Variants in SLC71A2 observed in about 807,000 individuals in gnomAD.
SLC71A2 encodes solute carrier family 71 member 2, also known as hippocampus abundant transcript-like 1.
At chr9:94,453,942 CTCCTT>C in the SLC71A2 span, 1 of 1,535,630 alleles carries the variant, frequency 6.5e-7, no homozygotes, top group Non-Finnish European at 9.0e-7. Context: ...TCAGAGTTGT[CTCCTT>C]TACTTTGCAG....
chr9:94,401,023 CAAT>C, the SLC71A2 span, among the ~76,000 whole-genome samples: 1 of 152,004 alleles, frequency 6.6e-6, no homozygotes, highest in Non-Finnish European at 1.5e-5. Flanking sequence ...ATCCTTCTAA[CAAT>C]CTTGTTGTTT....
chr9:94,458,556 G>A, the SLC71A2 span: 1 of 1,216,044 alleles, frequency 8.2e-7, no homozygotes, highest in Non-Finnish European at 1.2e-6. Context: ...ATTCTTTCTT[G>A]TATGTTACTA....
At chr9:94,404,753 T>C in the SLC71A2 span, among the ~76,000 whole-genome samples, 120 of 152,368 alleles carry the variant, frequency 7.9e-4, no homozygotes, top group African/African-American at 2.5e-3. Flanking sequence ...TTATCAGATA[T>C]GTGATTTGCA....
chr9:94,445,890 C>A, the SLC71A2 span, among the ~76,000 whole-genome samples: 3 of 152,280 alleles, frequency 2.0e-5, no homozygotes, highest in Non-Finnish European at 2.9e-5. Flanking sequence ...TAAAATACCC[C>A]CTGAGGGCAT....
At chr9:94,425,113 C>T in the SLC71A2 span, among the ~76,000 whole-genome samples, 1 of 151,686 alleles carries the variant, frequency 6.6e-6, no homozygotes, top group Non-Finnish European at 1.5e-5. Context: ...GTTTCCCTAT[C>T]TTGTTCAAGA....
the SLC71A2 span, among the ~76,000 whole-genome samples, chr9:94,381,380 T>TA: frequency 6.6e-6 from 1 of 151,294 alleles, no homozygotes; most frequent in Non-Finnish European, 1.5e-5. Context: ...ATTTTATAAA[T>TA]ACAGCATATT....
chr9:94,432,848 A>G, the SLC71A2 span: 2 of 405,004 alleles, frequency 4.9e-6, no homozygotes, highest in Non-Finnish European at 4.9e-6. Context: ...TTATAACTCC[A>G]TGGCATTCAG....
chr9:94,406,485 T>G, the SLC71A2 span, among the ~76,000 whole-genome samples: 2 of 152,196 alleles, frequency 1.3e-5, no homozygotes, highest in African/African-American at 4.8e-5. Flanking sequence ...ATGATCTGCC[T>G]GCCCCAGCTT....
At chr9:94,457,618 C>T in the SLC71A2 span, among the ~76,000 whole-genome samples, 5 of 152,088 alleles carry the variant, frequency 3.3e-5, no homozygotes, top group East Asian at 1.9e-4. Flanking sequence ...ATGACCCATC[C>T]GTGGAGGACT....
At chr9:94,385,031 T>C in the SLC71A2 span, among the ~76,000 whole-genome samples, 1 of 151,856 alleles carries the variant, frequency 6.6e-6, no homozygotes, top group African/African-American at 2.4e-5. Context: ...GTTCCCTCTC[T>C]CTTGAACTTC....
the SLC71A2 span, among the ~76,000 whole-genome samples, chr9:94,448,899 C>T: frequency 2.0e-5 from 3 of 152,178 alleles, no homozygotes; most frequent in Non-Finnish European, 4.4e-5. Flanking sequence ...TCCCAAAATG[C>T]TGGGATTATA....
chr9:94,378,710 C>G, the SLC71A2 span, among the ~76,000 whole-genome samples: 1 of 152,142 alleles, frequency 6.6e-6, no homozygotes, highest in East Asian at 1.9e-4. Flanking sequence ...AGATCAGCCC[C>G]CATGACCCAA....
the SLC71A2 span, chr9:94,459,564 CTCCTCCT>C: frequency 6.6e-6 from 4 of 607,460 alleles, no homozygotes; most frequent in East Asian, 1.2e-4. Flanking sequence ...TCTGCTCATC[CTCCTCCT>C]GTTTTTTTTT....
the SLC71A2 span, among the ~76,000 whole-genome samples, chr9:94,419,661 T>A: frequency 2.0e-5 from 3 of 152,056 alleles, no homozygotes; most frequent in Non-Finnish European, 4.4e-5. Context: ...GGTCTTGAAC[T>A]CCTCCTCGCC....
the SLC71A2 span, among the ~76,000 whole-genome samples, chr9:94,380,087 GA>G: frequency 6.6e-6 from 1 of 152,134 alleles, no homozygotes; most frequent in South Asian, 2.1e-4. Flanking sequence ...CTGACGCGGT[GA>G]AACCCTGTCT....
At chr9:94,413,757 G>A in the SLC71A2 span, among the ~76,000 whole-genome samples, 1 of 151,862 alleles carries the variant, frequency 6.6e-6, no homozygotes, top group Non-Finnish European at 1.5e-5. Flanking sequence ...AGGGGTTTGA[G>A]TGGAACTCAG....
chr9:94,417,609 G>A, the SLC71A2 span, among the ~76,000 whole-genome samples: 22 of 152,198 alleles, frequency 1.4e-4, no homozygotes, highest in South Asian at 1.0e-3. Flanking sequence ...CCTGGGCAAC[G>A]AGTGCAAAAC....
chr9:94,444,897 G>C, the SLC71A2 span: 1 of 1,482,558 alleles, frequency 6.7e-7, no homozygotes, highest in Non-Finnish European at 9.4e-7. Context: ...GCAGACCTGG[G>C]TAAGGATATG....
the SLC71A2 span, among the ~76,000 whole-genome samples, chr9:94,401,361 A>G: frequency 3.9e-5 from 6 of 152,196 alleles, no homozygotes; most frequent in East Asian, 9.6e-4. Context: ...TTTAGTAGAG[A>G]TGGGGTTTCA....
Sources: allele counts gnomAD v4.1 joint callset (sites outside exome capture counted in the v4.1 genomes callset), GRCh38; gene constraint gnomAD v4.1.1; transcripts MANE v1.5; gene names NCBI Gene and HGNC (gene_info 2026-07-23, HGNC 2026-07-21).